The following HBP1 variants were observed in gnomAD, a reference collection of about 807,000 sequenced individuals.
HBP1 encodes HMG box-containing protein 1.
HBP1 carries 20 observed loss-of-function variants against 62.6 expected under a neutral mutation model. The ratio of observed to expected loss-of-function variants is 0.32; its 90% CI spans 0.22 to 0.46. The LOEUF is 0.46. Among genes scored for constraint, HBP1 ranks in the 20% least tolerant of loss-of-function variants. The pLI is 1.00. For missense variants in HBP1, 480 were observed against 611.8 expected (o/e 0.78, Z 2.27); for synonymous variants, 232 against 206.2 (o/e 1.12, Z -1.07).
rs75472923 is a variant in HBP1 at position 107,179,243 on chromosome 7, C to T, written c.-15-636C>T. On this transcript the variant is annotated intron_variant, in intron 1 of 10. Coordinates refer to ENST00000222574, the MANE Select transcript of HBP1 (RefSeq NM_012257.4). ...TGAAGGTACAAGTGAAAAAAAGAGT[C>T]CTATTAGTCTCAGTTTTTGCATCTG... 7.9e-3 allele frequency among the ~76,000 whole-genome samples: 1,193 copies of T among 151,846 alleles called. 5 individuals carry two copies. The highest frequency in any genetic ancestry group is 0.011 in the Non-Finnish European group (722 of 67,930).
In HBP1 at chr7:107,169,010, G is replaced by A. The variant is rs1033239386; in HGVS notation, c.-191G>A. ...GGGAAGACGAAGCTTGAAAGACTTG[G>A]TAATGGCGACGGGTTTGGTAAGTAG... is the stretch of plus-strand genomic sequence containing the variant. On this transcript the variant is annotated 5_prime_UTR_variant, in exon 1 of 11. Coordinates refer to ENST00000222574, the MANE Select transcript of HBP1 (RefSeq NM_012257.4). 7.8e-7 allele frequency: 1 copy of A among 1,289,182 alleles called. No individual in the cohort carries two copies. The highest frequency in any genetic ancestry group is 5.6e-5 in the East Asian group (1 of 17,952). 79.9% of individuals were successfully genotyped at this position (1,289,182 alleles called of 1,614,324 possible).
intron 1 of HBP1, chr7:107,169,773 A>G (rs919385641): frequency 1.6e-5 from 16 of 984,868 alleles, no homozygotes; most frequent in Non-Finnish European, 1.9e-5. Flanking sequence ...AGCCGAGGGG[A>G]AAAACAAGCC....
At chr7:107,189,223 G>A (rs971528325) in intron 6 of HBP1, 69 bp from the exon 7 acceptor site, 1 of 1,313,528 alleles carries the variant, frequency 7.6e-7, no homozygotes, top group Non-Finnish European at 1.1e-6. Context: ...AGTCTTACAT[G>A]TAATGGGAAC....
At chr7:107,180,646 G>A (rs1797062881) in intron 2 of HBP1, among the ~76,000 whole-genome samples, 1 of 152,110 alleles carries the variant, frequency 6.6e-6, no homozygotes, top group African/African-American at 2.4e-5. Context: ...TAATATATGG[G>A]GGTTTCCTTC....
chr7:107,171,067 A>ATTTTTTTTTT (rs1395508929), intron 1 of HBP1, among the ~76,000 whole-genome samples: 7 of 66,680 alleles, frequency 1.0e-4, no homozygotes, highest in African/African-American at 8.4e-4. Context: ...ATATATATAT[A>ATTTTTTTTTT]TATATATTTT....
Position 107,190,326 on chromosome 7 carries a change from G to T in HBP1, c.1067+9G>T. 1 of 1,578,528 alleles carries T rather than the reference G, an allele frequency of 6.3e-7. No homozygotes were observed. Among genetic ancestry groups the T allele is most frequent in the Non-Finnish European group, 8.7e-7 (1 of 1,155,184 alleles). ...TTTGATACATTTAAAAGGTAATATT[G>T]GATTAATTCTTTGTTTTATTTTCCT... On this transcript the variant is annotated intron_variant, in intron 8 of 10. Coordinates refer to ENST00000222574, the MANE Select transcript of HBP1 (RefSeq NM_012257.4).
At chr7:107,196,236 T>C (rs544084493) in intron 9 of HBP1, 85 bp downstream of exon 9, 3 of 843,630 alleles carry the variant, frequency 3.6e-6, no homozygotes, top group East Asian at 2.6e-5. Context: ...AGTAAACTTA[T>C]TCTTTAATAG....
intron 8 of HBP1, among the ~76,000 whole-genome samples, chr7:107,191,101 A>G (rs1181419845): frequency 6.6e-6 from 1 of 152,190 alleles, no homozygotes; most frequent in African/African-American, 2.4e-5. Flanking sequence ...ATCCATAGGC[A>G]TGTACTGGCA....
At chr7:107,170,649 C>T (rs988999177) in intron 1 of HBP1, among the ~76,000 whole-genome samples, 2 of 152,078 alleles carry the variant, frequency 1.3e-5, no homozygotes, top group African/African-American at 4.8e-5. Flanking sequence ...ATTGTTTGTG[C>T]TTTCTCTACT....
rs780373976 is a variant in HBP1, at chr7:107,196,124, C to T, written c.1358C>T (p.Thr453Ile). ...LFAKKYRVEY[T>I]QMYPGKDNRA... The stretch of plus-strand genomic sequence containing the variant: ...GCCAAAAAATACAGAGTTGAATATA[C>T]TCAGATGTATCCAGGGAAAGATAAC... Residue 453 changes from threonine (T) to isoleucine (I), a missense_variant, in exon 9 of 11, where the codon ACT (threonine) becomes ATT (isoleucine). Thr to Ile is a moderately conservative substitution (Grantham distance 89). Transcript: ENST00000222574. The T allele has an allele frequency of 3.1e-6, 5 of 1,602,522 alleles. No individual in the cohort carries two copies. The South Asian group carries it at 4.4e-5, about 14-fold the overall frequency.
In HBP1 at chr7:107,190,267, C is replaced by T; in HGVS notation, c.1017C>T (p.His339=). The T allele has an allele frequency of 6.2e-7, 1 of 1,610,642 alleles. No individual in the cohort carries two copies. Among genetic ancestry groups the T allele is most frequent in the Non-Finnish European group, 8.5e-7 (1 of 1,177,238 alleles). The change falls in exon 8 of 11, where the codon CAC becomes CAT. Residue 339 remains histidine, a synonymous_variant. Coordinates refer to ENST00000222574, the MANE Select transcript of HBP1 (RefSeq NM_012257.4). ...GCGATGTATGTCTACCTCCTGGACA[C>T]CCCGATGCCATTAATTTTGATGATT... ...HIGDVCLPPG[H]PDAINFDDSG...
At chr7:107,173,633 A>G (rs1468411139) in intron 1 of HBP1, 1 of 152,168 alleles carries the variant, frequency 6.6e-6, no homozygotes, top group East Asian at 1.9e-4. Context: ...ATTCATTGAG[A>G]CTTAGGTTTT....
chr7:107,182,289 G>T, intron 2 of HBP1, 84 bp from the exon 3 acceptor site: 1 of 713,250 alleles, frequency 1.4e-6, no homozygotes, highest in East Asian at 2.5e-5. Context: ...CTAAAATTGA[G>T]GACTTCTCTT....
intron 1 of HBP1, 119 bp downstream of exon 1, chr7:107,169,304 T>A: frequency 2.4e-6 from 1 of 424,270 alleles, no homozygotes; most frequent in Non-Finnish European, 3.4e-6. Context: ...GGGTTGCCCT[T>A]GGGGTGGGGG....
At chr7:107,201,151 C>T (rs573799509) in intron 10 of HBP1, 15 of 333,166 alleles carry the variant, frequency 4.5e-5, no homozygotes, top group East Asian at 4.8e-5. Flanking sequence ...TGAATTTTGG[C>T]AGTTCTTGGT....
At chr7:107,186,506 T>G in intron 5 of HBP1, 34 bp downstream of exon 5, 3 of 1,578,282 alleles carry the variant, frequency 1.9e-6, no homozygotes, top group Non-Finnish European at 2.6e-6. Context: ...ACCTTGAATT[T>G]TCCACAGCTT....
chr7:107,194,990 T>C (rs1227621491), intron 8 of HBP1, among the ~76,000 whole-genome samples: 1 of 152,248 alleles, frequency 6.6e-6, no homozygotes, highest in Non-Finnish European at 1.5e-5. Flanking sequence ...TGTATGGCTC[T>C]CTTTACCTAA....
intron 2 of HBP1, 75 bp downstream of exon 2, chr7:107,180,137 C>T (rs1584482243): frequency 2.4e-6 from 2 of 824,786 alleles, no homozygotes; most frequent in Admixed American, 2.0e-5. Flanking sequence ...CGCTTCTCCA[C>T]CAACCTTGAC....
chr7:107,182,259 CCTCT>C lies in HBP1; in HGVS notation c.170-110_170-107del, dbSNP rs1489664009. 1.8e-5 allele frequency: 11 copies of C among 628,244 alleles called. No homozygotes were observed. In the African/African-American group the frequency reaches 2.0e-4, roughly 12 times the overall value. The allele number at this position is 628,244 out of a possible 1,614,324, so 38.9% of individuals were successfully genotyped here. On this transcript the variant is annotated intron_variant, in intron 2 of 10. Coordinates refer to ENST00000222574, the MANE Select transcript of HBP1 (RefSeq NM_012257.4). ...AACAGAATGTTAAATTTATGATTTTCCTCTCTCAAAATTAATTAGCTAAAATTGA... is the reference window on the plus strand; with the variant it reads ...AACAGAATGTTAAATTTATGATTTTCCTCAAAATTAATTAGCTAAAATTGA...
Sources: allele counts gnomAD v4.1 joint callset (sites outside exome capture counted in the v4.1 genomes callset), GRCh38; gene constraint gnomAD v4.1.1; transcripts MANE v1.5; gene names NCBI Gene and HGNC (gene_info 2026-07-23, HGNC 2026-07-21).